Variants in PRC1 observed in about 807,000 individuals in gnomAD.
PRC1 encodes protein regulator of cytokinesis 1, also known as anaphase spindle elongation 1 homolog.
PRC1 carries 54 observed loss-of-function variants against 91.2 expected under a neutral mutation model. That is an observed-to-expected ratio of 0.59 (90% CI 0.48 to 0.74). The LOEUF (loss-of-function observed/expected upper bound fraction) is 0.74, where lower values mean the gene tolerates loss of function less well. Among genes scored for constraint, PRC1 ranks in the 30% least tolerant of loss-of-function variants. PRC1 has a pLI of 0.00. For missense variants in PRC1, 727 were observed against 746.2 expected, an observed-to-expected ratio of 0.97 and a Z score of 0.30; for synonymous variants, 275 against 263.6, an observed-to-expected ratio of 1.04 and a Z score of -0.42.
chr15:90,966,665 G>C lies in PRC1; in HGVS notation c.*466C>G, dbSNP rs747097739. The C allele has an allele frequency of 8.8e-6, 4 of 456,184 alleles. No homozygotes were observed. The highest frequency in any genetic ancestry group is 6.2e-5 in the South Asian group (4 of 64,560). 28.3% of individuals were successfully genotyped at this position (456,184 alleles called of 1,614,324 possible). A position where few individuals can be genotyped will look rare whatever the true frequency, so the allele number is the denominator to read the frequency against. ...GGAGGAAGGCTGTCCTGTGTGGTGG[G>C]GACAAGGCTTCAGGTAAGAGCAAAG... On this transcript the variant is annotated 3_prime_UTR_variant, in exon 15 of 15. Coordinates refer to ENST00000394249, the MANE Select transcript of PRC1 (RefSeq NM_003981.4).
intron 1 of PRC1, among the ~76,000 whole-genome samples, chr15:90,988,828 T>G (rs148016408): frequency 6.6e-6 from 1 of 152,278 alleles, no homozygotes; most frequent in East Asian, 1.9e-4. Flanking sequence ...ATAAAATGAA[T>G]GGCCCTGAAT....
chr15:90,971,579 G>A (rs1164298106), intron 11 of PRC1, among the ~76,000 whole-genome samples: 1 of 141,176 alleles, frequency 7.1e-6, no homozygotes, highest in Non-Finnish European at 1.5e-5. Flanking sequence ...ACTGTACCCA[G>A]CCAACACTTT....
chr15:90,989,288 C>T (rs1438868565), intron 1 of PRC1, among the ~76,000 whole-genome samples: 1 of 152,094 alleles, frequency 6.6e-6, no homozygotes, highest in Non-Finnish European at 1.5e-5. Context: ...CTCACTGTCA[C>T]CTGGGCTGGA....
chr15:90,976,549 T>G, intron 9 of PRC1, 127 bp downstream of exon 9: 1 of 775,360 alleles, frequency 1.3e-6, no homozygotes, highest in East Asian at 2.6e-5. Flanking sequence ...ACTAAATATA[T>G]AACTTATTAT....
rs186351852 is a variant in PRC1, at chr15:90,974,915, C to T, written c.1204-184G>A. Among the ~76,000 whole-genome samples the T allele has an allele frequency of 2.3e-3, 347 of 152,296 alleles. 2 individuals are homozygous for T. The highest frequency in any genetic ancestry group is 4.0e-3 in the Non-Finnish European group (271 of 68,040). On this transcript the variant is annotated intron_variant, in intron 9 of 14. Transcript: ENST00000394249. This position sits in a 1 kb window ranked among gnomAD's most constrained non-coding sequence, Gnocchi z 4.6. ...TCAAAGCCCGGAGACATTTCATTCA[C>T]ACAACACACAAGAGTGGAAAATGGC...
chr15:90,984,593 C>A lies in PRC1; in HGVS notation c.144+100G>T. 6.6e-7 allele frequency: 1 copy of A among 1,509,936 alleles called. No homozygotes were observed. The highest frequency in any genetic ancestry group is 9.0e-7 in the Non-Finnish European group (1 of 1,112,950). 93.5% of individuals were successfully genotyped at this position (1,509,936 alleles called of 1,614,324 possible). On this transcript the variant is annotated intron_variant, in intron 2 of 14. Coordinates refer to ENST00000394249, the MANE Select transcript of PRC1 (RefSeq NM_003981.4). This position sits in a 1 kb window ranked among gnomAD's most constrained non-coding sequence, Gnocchi z 5.1. ...CCAAACAGGAAGAGCCTGTGCTATCCTAATGCCGATGATCACATGTCCCTT... is the reference window on the plus strand; with the variant it reads ...CCAAACAGGAAGAGCCTGTGCTATCATAATGCCGATGATCACATGTCCCTT...
chr15:90,979,071 AG>A, intron 8 of PRC1, 86 bp downstream of exon 8: 1 of 1,443,692 alleles, frequency 6.9e-7, no homozygotes, highest in Non-Finnish European at 9.3e-7. Flanking sequence ...GGGTATCAAA[AG>A]CCTGGCAAAG....
In PRC1 at chr15:90,966,772, A is replaced by G; in HGVS notation, c.*359T>C. 1 of 428,388 alleles carries G rather than the reference A, an allele frequency of 2.3e-6. No individual in the cohort carries two copies. The highest frequency in any genetic ancestry group is 6.1e-5 in the East Asian group (1 of 16,464). The allele number at this position is 428,388 out of a possible 1,614,324, so 26.5% of individuals were successfully genotyped here. A position where few individuals can be genotyped will look rare whatever the true frequency, so the allele number is the denominator to read the frequency against. ...AGTTACAGGTATACATGCCAAAATT[A>G]CCCCCAGGGATGGGCATAGTCAATC... On this transcript the variant is annotated 3_prime_UTR_variant, in exon 15 of 15. Coordinates refer to ENST00000394249, the MANE Select transcript of PRC1 (RefSeq NM_003981.4).
At position 90,970,530 on chromosome 15, in the gene PRC1, C is replaced by T. The variant is rs777230609; in HGVS notation, c.1462-16G>A. The T allele has an allele frequency of 1.6e-5, 25 of 1,552,916 alleles. No individual in the cohort carries two copies. Among genetic ancestry groups the T allele is most frequent in the East Asian group, 1.4e-4 (6 of 44,386 alleles). On this transcript the variant is annotated splice_polypyrimidine_tract_variant and intron_variant, in intron 11 of 14. Coordinates refer to ENST00000394249, the MANE Select transcript of PRC1 (RefSeq NM_003981.4). Reference sequence around the variant, plus strand: ...TAGTGTTCAGCTAGGGAGAAGAGCACGTGGGTAACTGATGTGCAGTAACAT... The same window carrying T: ...TAGTGTTCAGCTAGGGAGAAGAGCATGTGGGTAACTGATGTGCAGTAACAT...
chr15:90,968,824 T>TGA (rs1361669710), intron 14 of PRC1: 3 of 1,292,534 alleles, frequency 2.3e-6, no homozygotes, highest in African/African-American at 3.0e-5. Context: ...AGGGTCAAGG[T>TGA]TTTCTGTTAA....
At chr15:90,972,122 C>T (rs1197824414) in intron 11 of PRC1, among the ~76,000 whole-genome samples, 1 of 138,702 alleles carries the variant, frequency 7.2e-6, no homozygotes, top group Non-Finnish European at 1.5e-5. Flanking sequence ...AGGAGGATCA[C>T]TTGAGCTCAG....
intron 11 of PRC1, among the ~76,000 whole-genome samples, chr15:90,970,731 A>G (rs1596279897): frequency 6.6e-6 from 1 of 152,236 alleles, no homozygotes; most frequent in East Asian, 1.9e-4. Flanking sequence ...GAAGTGTACA[A>G]TGGTACAACC....
At position 90,984,052 on chromosome 15, in the gene PRC1, G is replaced by A. The variant is rs777202528; in HGVS notation, c.233C>T (p.Thr78Ile). The A allele has an allele frequency of 8.7e-6, 14 of 1,614,000 alleles. No individual in the cohort carries two copies. The highest frequency in any genetic ancestry group is 1.1e-5 in the Non-Finnish European group (13 of 1,180,016). Residue 78 changes from threonine (T) to isoleucine (I), a missense_variant, in exon 3 of 15, where the codon ACT becomes ATT. Transcript: ENST00000394249. This position sits in a 1 kb window ranked among gnomAD's most constrained non-coding sequence, Gnocchi z 5.1. The stretch of plus-strand genomic sequence containing the variant: ...CTCAACATGTAACTCGCTGCACAGA[G>A]TGTTCAGCTCTTTCTGACAGACGGA... Reference protein sequence around the residue: ...SISVCQKELNTLCSELHVEPF... With the variant: ...SISVCQKELNILCSELHVEPF...
intron 3 of PRC1, chr15:90,983,815 C>T (rs943607475): frequency 2.3e-5 from 12 of 530,240 alleles, no homozygotes; most frequent in Admixed American, 6.3e-5. Flanking sequence ...CTATTAGTTG[C>T]TTCACCTCTT....
intron 14 of PRC1, chr15:90,967,915 A>G (rs1445326685): frequency 2.0e-6 from 2 of 985,488 alleles, no homozygotes; most frequent in African/African-American, 3.5e-5. Context: ...TTATAAAACA[A>G]TGGGCCAGAA....
chr15:90,986,939 A>C (rs1442692879), intron 1 of PRC1, among the ~76,000 whole-genome samples: 1 of 151,774 alleles, frequency 6.6e-6, no homozygotes, highest in Non-Finnish European at 1.5e-5. Context: ...AGATATGCAA[A>C]TGTGTATCAC....
chr15:90,979,992 T>C (rs78074442), intron 7 of PRC1, among the ~76,000 whole-genome samples: 3,415 of 152,364 alleles, frequency 0.022, 59 homozygotes, highest in Middle Eastern at 0.051. Context: ...ATGGCAATTA[T>C]GCTAAATGTC....
Position 90,984,882 on chromosome 15 carries a change from A to G in PRC1, c.12-57T>C. ...CATCAGTCACAGCCTCTGGACTAAA[A>G]GCACTATTTTCGAGAACTAAAAAGA... On this transcript the variant is annotated intron_variant, in intron 1 of 14. Coordinates refer to ENST00000394249, the MANE Select transcript of PRC1 (RefSeq NM_003981.4). The surrounding 1 kb of genome is among the most constrained non-coding windows in gnomAD (Gnocchi z 5.1). 1.3e-6 allele frequency: 2 copies of G among 1,588,252 alleles called. No homozygotes were observed. Among genetic ancestry groups the G allele is most frequent in the Non-Finnish European group, 1.7e-6 (2 of 1,170,072 alleles).
intron 9 of PRC1, among the ~76,000 whole-genome samples, chr15:90,976,024 T>C (rs763557309): frequency 6.6e-6 from 1 of 152,128 alleles, no homozygotes; most frequent in Non-Finnish European, 1.5e-5. Flanking sequence ...GATTTACAGC[T>C]TCTAGAGTTG....
Sources: gnomAD v4.1 joint callset for allele counts (sites outside exome capture counted in the v4.1 genomes callset) on GRCh38, gnomAD v4.1.1 for gene constraint, Gnocchi (gnomAD v3.1) non-coding constraint, MANE v1.5 for transcripts, NCBI Gene and HGNC (gene_info 2026-07-23, HGNC 2026-07-21) for gene names.